TRAK1: variants seen among roughly 807,000 people sequenced by gnomAD.
TRAK1 encodes the protein trafficking kinesin protein 1.
A neutral mutation model predicts 92.1 loss-of-function variants in TRAK1; 33 were observed. The observed-to-expected ratio is 0.36, with a 90% confidence interval of 0.27 to 0.48. The LOEUF (loss-of-function observed/expected upper bound fraction) is 0.48, where lower values mean the gene tolerates loss of function less well. Ranked by LOEUF, TRAK1 falls within the 20% of genes least tolerant of loss-of-function variation. TRAK1 has a pLI of 0.99. For missense variants in TRAK1, 1,123 were observed against 1,257.9 expected, an observed-to-expected ratio of 0.89 and a Z score of 1.62; for synonymous variants, 521 against 517.3, an observed-to-expected ratio of 1.01 and a Z score of -0.10.
chr3:42,023,974 C>G (rs1369798490), intron 1 of TRAK1, among the ~76,000 whole-genome samples: 1 of 151,980 alleles, frequency 6.6e-6, no homozygotes, highest in South Asian at 2.1e-4. Flanking sequence ...AGGCTGGTCT[C>G]GAATTCCTGA....
chr3:42,146,114 T>C, intron 2 of TRAK1: 1 of 464,936 alleles, frequency 2.2e-6, no homozygotes, highest in Non-Finnish European at 4.2e-6. Context: ...GTGCACTGAT[T>C]TATACACCAA....
chr3:42,203,108 C>G (rs778012485), intron 13 of TRAK1: 155 of 1,230,508 alleles, frequency 1.3e-4, no homozygotes, highest in Non-Finnish European at 1.4e-4. Context: ...TAGGTTTTGC[C>G]TGTGGGTGTG....
chr3:42,087,143 CG>C, upstream of TRAK1: 1 of 152,594 alleles, frequency 6.6e-6, no homozygotes, highest in East Asian at 1.9e-4. Flanking sequence ...CCAGAACTAC[CG>C]GGGGCCATCT....
At chr3:42,023,967 C>A (rs765783731) in intron 1 of TRAK1, among the ~76,000 whole-genome samples, 4 of 151,992 alleles carry the variant, frequency 2.6e-5, no homozygotes, top group Non-Finnish European at 5.9e-5. Flanking sequence ...GTTGGCCAGG[C>A]TGGTCTCGAA....
chr3:42,059,924 A>G (rs1703356612), intron 1 of TRAK1, among the ~76,000 whole-genome samples: 1 of 150,572 alleles, frequency 6.6e-6, no homozygotes, highest in Non-Finnish European at 1.5e-5. Context: ...AGTGTGGACA[A>G]TGATACAATA....
At chr3:42,113,392 C>A (rs1399425284) in intron 1 of TRAK1, among the ~76,000 whole-genome samples, 2 of 34,734 alleles carry the variant, frequency 5.8e-5, no homozygotes, top group Non-Finnish European at 1.2e-4. Context: ...CTACCCCTAC[C>A]CCTACCTCTA....
chr3:42,119,046 T>C (rs953850313), intron 1 of TRAK1, among the ~76,000 whole-genome samples: 1 of 152,240 alleles, frequency 6.6e-6, no homozygotes, highest in African/African-American at 2.4e-5. Flanking sequence ...TGCTGCTCTC[T>C]CCTTCCCTTG....
chr3:42,027,171 A>C (rs1199307526), intron 1 of TRAK1, among the ~76,000 whole-genome samples: 2 of 152,232 alleles, frequency 1.3e-5, no homozygotes, highest in Non-Finnish European at 2.9e-5. Flanking sequence ...TAATATGTGC[A>C]TACATTAGTG....
rs367927211 is a variant in TRAK1, at chr3:42,066,820, C to T, written c.-518-20284C>T. Among the ~76,000 whole-genome samples, 30 of 152,194 alleles carry T rather than the reference C, an allele frequency of 2.0e-4. 1 individual carries two copies. The South Asian group carries it at 4.6e-3, about 23-fold the overall frequency. ...ACTGTTTGGACCCGTTTCCTAGTAA[C>T]GGCCCTGTTAATTTCAATGAGAAAG... On this transcript the variant is annotated intron_variant, in intron 1 of 16. Transcript: ENST00000487159.
At chr3:42,019,761 T>C (rs1701663514) in intron 1 of TRAK1, among the ~76,000 whole-genome samples, 1 of 152,194 alleles carries the variant, frequency 6.6e-6, no homozygotes, top group South Asian at 2.1e-4. Context: ...CAGTTTGAGA[T>C]TTGAGATGTG....
rs756698635 is a variant in TRAK1, at chr3:42,160,525, T to C, written c.287-16289T>C. ...GATCCTTTCCTTGTTAGTATCTAAA[T>C]AGGCTTGAATGTTTTGCTGATTTCA... On this transcript the variant is annotated intron_variant, in intron 2 of 15. Coordinates refer to ENST00000327628, the MANE Select transcript of TRAK1 (RefSeq NM_001042646.3). The C allele has an allele frequency of 6.4e-6, 10 of 1,565,362 alleles. No homozygotes were observed. In the South Asian group the frequency reaches 1.0e-4, roughly 16 times the overall value.
upstream of TRAK1, among the ~76,000 whole-genome samples, chr3:42,089,462 C>T (rs1472173577): frequency 6.6e-6 from 1 of 152,172 alleles, no homozygotes; most frequent in Non-Finnish European, 1.5e-5. Flanking sequence ...CTATAGAGAC[C>T]TGTAAGGAAG....
At chr3:42,058,696 C>T (rs1703299470) in intron 1 of TRAK1, among the ~76,000 whole-genome samples, 1 of 152,172 alleles carries the variant, frequency 6.6e-6, no homozygotes. Context: ...ATGCAGGGAT[C>T]TCCCTTTAAT....
At chr3:42,024,807 G>C (rs1005727756) in intron 1 of TRAK1, among the ~76,000 whole-genome samples, 18 of 152,156 alleles carry the variant, frequency 1.2e-4, no homozygotes, top group African/African-American at 4.3e-4. Flanking sequence ...TTTTTCTGGT[G>C]AATAAACCCC....
At chr3:42,210,375 T>A (rs191119501) in intron 14 of TRAK1, 2 of 1,273,796 alleles carry the variant, frequency 1.6e-6, no homozygotes, top group Non-Finnish European at 9.9e-7. Flanking sequence ...CCATCAGGGA[T>A]CTTTAAAGTG....
chr3:42,199,153 A>G (rs1053646942), intron 10 of TRAK1, 24 bp from the exon 11 acceptor site: 2 of 1,612,824 alleles, frequency 1.2e-6, no homozygotes, highest in Admixed American at 1.7e-5. Flanking sequence ...CTCACTTGAC[A>G]TTTGTCTTTC....
At chr3:42,161,381 T>TC (rs1701254300) in intron 2 of TRAK1, among the ~76,000 whole-genome samples, 1 of 152,204 alleles carries the variant, frequency 6.6e-6, no homozygotes, top group African/African-American at 2.4e-5. Flanking sequence ...ACTTTTTTCT[T>TC]TTTTCTTTTT....
At chr3:42,089,774 TTG>T (rs1704904752), upstream of TRAK1, among the ~76,000 whole-genome samples, 1 of 151,514 alleles carries the variant, frequency 6.6e-6, no homozygotes, top group Non-Finnish European at 1.5e-5. Context: ...ACTACTGTAT[TTG>T]TGTTTTGTCT....
At chr3:42,066,249 C>T (rs2148931543) in intron 1 of TRAK1, among the ~76,000 whole-genome samples, 1 of 152,298 alleles carries the variant, frequency 6.6e-6, no homozygotes, top group Non-Finnish European at 1.5e-5. Flanking sequence ...TCTCTTGATT[C>T]TCGGAGGCAA....
Sources: allele counts gnomAD v4.1 joint callset (sites outside exome capture counted in the v4.1 genomes callset), GRCh38; gene constraint gnomAD v4.1.1; transcripts MANE v1.5; gene names NCBI Gene and HGNC (gene_info 2026-07-23, HGNC 2026-07-21).